HLF: variants seen among roughly 807,000 people sequenced by gnomAD.
HLF encodes the protein hepatic leukemia factor.
In HLF, 3 loss-of-function variants were observed where a neutral mutation model predicts 22.6. The ratio of observed to expected loss-of-function variants is 0.13; its 90% CI spans 0.06 to 0.34. The LOEUF (loss-of-function observed/expected upper bound fraction) is 0.34. Among genes scored for constraint, HLF ranks in the 10% least tolerant of loss-of-function variants. HLF has a pLI of 1.00. For synonymous variants in HLF, 151 were observed against 151.8 expected (o/e 0.99, Z 0.04); for missense variants, 299 against 389.2 (o/e 0.77, Z 1.95).
At chr17:55,298,316 C>T (rs913600303) in intron 2 of HLF, among the ~76,000 whole-genome samples, 1 of 152,064 alleles carries the variant, frequency 6.6e-6, no homozygotes, top group African/African-American at 2.4e-5. Flanking sequence ...GGTGGCATTT[C>T]CTTCTTATAT....
rs35293604 is a variant in HLF, at chr17:55,316,965, G to GTTT, written c.672+1536_672+1538dup. On this transcript the variant is annotated intron_variant, in intron 3 of 3. Coordinates refer to ENST00000226067, the MANE Select transcript of HLF (RefSeq NM_002126.5). Reference sequence around the variant, plus strand: ...TCTTAGTGATCCAATTTTTTATGGTGTTTTTTTTTTTTTTTTTTTTGAGAT... The same window carrying GTTT: ...TCTTAGTGATCCAATTTTTTATGGTGTTTTTTTTTTTTTTTTTTTTTTTGAGAT... Among the ~76,000 whole-genome samples, 1,038 of 107,006 alleles carry GTTT rather than the reference G, an allele frequency of 9.7e-3. 38 individuals carry two copies. The highest frequency in any genetic ancestry group is 0.065 in the South Asian group (194 of 2,978). The allele number at this position is 107,006 out of a possible 152,430, so 70.2% of individuals were successfully genotyped here.
chr17:55,290,323 A>G (rs1456012044), intron 2 of HLF, among the ~76,000 whole-genome samples: 1 of 152,180 alleles, frequency 6.6e-6, no homozygotes, highest in Non-Finnish European at 1.5e-5. Flanking sequence ...TAAAAATTGA[A>G]GGTTTGTGGT....
intron 2 of HLF, among the ~76,000 whole-genome samples, chr17:55,281,996 CA>C (rs1567814837): frequency 1.3e-5 from 2 of 152,186 alleles, no homozygotes; most frequent in East Asian, 3.8e-4. Context: ...AATTTGGAAT[CA>C]GGGGTCTACT....
intron 2 of HLF, among the ~76,000 whole-genome samples, chr17:55,270,368 ACT>A (rs2080840707): frequency 6.6e-6 from 1 of 152,186 alleles, no homozygotes; most frequent in Non-Finnish European, 1.5e-5. Context: ...GTAAAATAAC[ACT>A]CTGCTGTTCA....
intron 1 of HLF, 90 bp downstream of exon 1, chr17:55,265,689 A>G (rs2080781153): frequency 9.1e-7 from 1 of 1,098,874 alleles, no homozygotes; most frequent in African/African-American, 1.7e-5. Flanking sequence ...GCATCCCCCA[A>G]CCCCGCTCCC....
chr17:55,315,905 C>A (rs1311631757), intron 3 of HLF, among the ~76,000 whole-genome samples: 2 of 152,146 alleles, frequency 1.3e-5, no homozygotes, highest in Admixed American at 6.5e-5. Flanking sequence ...GAATAACAGC[C>A]AGAGATAGGA....
At chr17:55,315,041 G>A (rs755593720) in intron 2 of HLF, among the ~76,000 whole-genome samples, 186 bp from the exon 3 acceptor site, 7 of 152,202 alleles carry the variant, frequency 4.6e-5, no homozygotes, top group Non-Finnish European at 5.9e-5. Context: ...CTGATGTGAC[G>A]TGAGTCAAGT....
intron 2 of HLF, among the ~76,000 whole-genome samples, chr17:55,293,730 C>T (rs1272121694): frequency 6.6e-6 from 1 of 152,128 alleles, no homozygotes; most frequent in African/African-American, 2.4e-5. Context: ...CACAGTCTGG[C>T]ACCAAAGCCC....
intron 2 of HLF, among the ~76,000 whole-genome samples, chr17:55,313,022 G>A (rs73990648): frequency 8.7e-4 from 132 of 152,258 alleles, no homozygotes; most frequent in African/African-American, 3.0e-3. Context: ...TGTTTCGCAG[G>A]TCCTTTGCCA....
At chr17:55,312,420 A>G (rs73314560) in intron 2 of HLF, among the ~76,000 whole-genome samples, 2,296 of 152,352 alleles carry the variant, frequency 0.015, 59 homozygotes, top group African/African-American at 0.047. Context: ...ACTTCTAGAA[A>G]TCACTTCTAT....
chr17:55,272,563 CAT>C (rs1351998762), intron 2 of HLF: 1 of 151,614 alleles, frequency 6.6e-6, no homozygotes, highest in Admixed American at 6.6e-5. Context: ...AAAAGGATGG[CAT>C]AAGTGGGTGG....
intron 2 of HLF, among the ~76,000 whole-genome samples, chr17:55,277,625 T>TG (rs35330503): frequency 0.28 from 42,866 of 150,576 alleles, 6,185 homozygotes; most frequent in African/African-American, 0.32. Context: ...GGGATCGGAT[T>TG]GGGGGGGGTT....
intron 3 of HLF, among the ~76,000 whole-genome samples, chr17:55,316,752 G>A (rs1207542694): frequency 1.3e-5 from 2 of 152,050 alleles, no homozygotes; most frequent in Non-Finnish European, 2.9e-5. Context: ...GGGGCCCATG[G>A]GTGACAAATC....
At chr17:55,280,926 CA>C (rs2080949060) in intron 2 of HLF, among the ~76,000 whole-genome samples, 1 of 152,158 alleles carries the variant, frequency 6.6e-6, no homozygotes, top group Non-Finnish European at 1.5e-5. Flanking sequence ...GGTTTTTACA[CA>C]AAGGGGACAA....
intron 3 of HLF, among the ~76,000 whole-genome samples, chr17:55,317,101 G>A (rs1905103398): frequency 6.6e-6 from 1 of 150,922 alleles, no homozygotes; most frequent in Admixed American, 6.7e-5. Flanking sequence ...CTGAGTAACT[G>A]AGACTACAGG....
chr17:55,323,816 A>G lies in HLF; in HGVS notation c.*2937A>G, dbSNP rs1905354113. On this transcript the variant is annotated 3_prime_UTR_variant, in exon 4 of 4. Coordinates refer to ENST00000226067, the MANE Select transcript of HLF (RefSeq NM_002126.5). Reference sequence around the variant, plus strand: ...CAGCTATTATGAGAGTCCCTTTGTCATTTTTCACCTTTTCATCCTAAGCAT... The same window carrying G: ...CAGCTATTATGAGAGTCCCTTTGTCGTTTTTCACCTTTTCATCCTAAGCAT... The G allele has an allele frequency of 4.3e-6, 1 of 230,050 alleles. No individual in the cohort carries two copies. The highest frequency in any genetic ancestry group is 5.7e-5 in the Admixed American group (1 of 17,644). The allele number at this position is 230,050 out of a possible 1,614,324, so 14.3% of individuals were successfully genotyped here. A position where few individuals can be genotyped will look rare whatever the true frequency, so the allele number is the denominator to read the frequency against.
chr17:55,276,154 C>T (rs917261250), intron 2 of HLF, among the ~76,000 whole-genome samples: 2 of 152,102 alleles, frequency 1.3e-5, no homozygotes, highest in East Asian at 3.9e-4. Flanking sequence ...TTTTAGGAGG[C>T]GAAGAGCAAG....
chr17:55,269,205 G>A (rs564549309), intron 2 of HLF, among the ~76,000 whole-genome samples: 3 of 152,264 alleles, frequency 2.0e-5, no homozygotes, highest in South Asian at 2.1e-4. Context: ...CCCCTGCCTC[G>A]ATATATTCAT....
At chr17:55,307,194 C>G (rs913269198) in intron 2 of HLF, among the ~76,000 whole-genome samples, 1 of 134,648 alleles carries the variant, frequency 7.4e-6, no homozygotes, top group Non-Finnish European at 1.5e-5. Context: ...GGTTCTGTCA[C>G]CCAGGCTGGA....
Sources: gnomAD v4.1 joint callset for allele counts (sites outside exome capture counted in the v4.1 genomes callset) on GRCh38, gnomAD v4.1.1 for gene constraint, MANE v1.5 for transcripts, NCBI Gene and HGNC (gene_info 2026-07-23, HGNC 2026-07-21) for gene names.